Variants in SPATA16 observed in about 807,000 individuals in gnomAD.
The protein encoded by SPATA16 is spermatogenesis associated 16, also known as spermatogenesis-associated protein 16.
In SPATA16, 36 loss-of-function variants were observed where a neutral mutation model predicts 63.3. That is an observed-to-expected ratio of 0.57 (90% CI 0.44 to 0.75). The LOEUF is 0.75. SPATA16 is among the 30% of genes least tolerant of loss of function. The pLI, the probability that SPATA16 is intolerant of heterozygous loss-of-function variation, is 0.00. For missense variants in SPATA16, 646 were observed against 679.3 expected, an observed-to-expected ratio of 0.95 and a Z score of 0.54; for synonymous variants, 203 against 216.7, an observed-to-expected ratio of 0.94 and a Z score of 0.56.
chr3:173,120,764 C>A (rs1030314421), intron 1 of SPATA16, among the ~76,000 whole-genome samples: 5 of 152,162 alleles, frequency 3.3e-5, no homozygotes, highest in Admixed American at 6.5e-5. Context: ...CCTCCCAACT[C>A]CTCCCACTCC....
chr3:172,925,904 C>T (rs1051174631), intron 6 of SPATA16, among the ~76,000 whole-genome samples: 3 of 152,124 alleles, frequency 2.0e-5, no homozygotes, highest in Admixed American at 6.5e-5. Context: ...TGGCTCACTG[C>T]AACCTCTACC....
At position 173,140,506 on chromosome 3, in the gene SPATA16, C is replaced by T. The variant is rs187389014; in HGVS notation, c.-19+597G>A. ...CAAACATTTCAGAGCACGCATTTTA[C>T]GCCAGGCATGATGTTAGGATACAGA... On this transcript the variant is annotated intron_variant, in intron 1 of 10. Transcript: ENST00000351008. Among the ~76,000 whole-genome samples, 565 of 152,250 alleles carry T rather than the reference C, an allele frequency of 3.7e-3. 6 individuals are homozygous for T. Among genetic ancestry groups the T allele is most frequent in the African/African-American group, 0.013 (525 of 41,546 alleles).
rs1234251743 is a variant in SPATA16 at position 172,983,325 on chromosome 3, TCTC to T, written c.849-6276_849-6274del. Among the ~76,000 whole-genome samples the T allele has an allele frequency of 3.4e-5, 5 of 145,044 alleles. No homozygotes were observed. The South Asian group carries it at 8.3e-4, about 24-fold the overall frequency. ...TGCTTCCATCTTTCTCCAAGTGACCTCTCTTTTTTTTTTTTTGCCATGAGTCAG... is the reference window on the plus strand; with the variant it reads ...TGCTTCCATCTTTCTCCAAGTGACCTTTTTTTTTTTTTTGCCATGAGTCAG... On this transcript the variant is annotated intron_variant, in intron 4 of 10. Transcript: ENST00000351008.
In SPATA16 at chr3:173,130,863, T is replaced by C. The variant is rs1395724292; in HGVS notation, c.-19+10240A>G. ...TACTTGTATAGTGTTTTAGTGCTAT[T>C]ATTTGAATATTTCTTCTGAATCTTT... On this transcript the variant is annotated intron_variant, in intron 1 of 10. Transcript: ENST00000351008. 2.0e-5 allele frequency among the ~76,000 whole-genome samples: 3 copies of C among 152,246 alleles called. No individual in the cohort carries two copies. In the East Asian group the frequency reaches 5.8e-4, roughly 29 times the overall value.
At chr3:173,028,683 G>A (rs1490592580) in intron 3 of SPATA16, among the ~76,000 whole-genome samples, 1 of 151,982 alleles carries the variant, frequency 6.6e-6, no homozygotes, top group East Asian at 1.9e-4. Flanking sequence ...TTAACTGCAA[G>A]CTAAATGATA....
chr3:173,111,229 G>A (rs976960491), intron 2 of SPATA16, among the ~76,000 whole-genome samples: 6 of 152,224 alleles, frequency 3.9e-5, no homozygotes, highest in East Asian at 3.9e-4. Context: ...TGCCTAGAAC[G>A]TGAAACCCTG....
At position 173,049,298 on chromosome 3, in the gene SPATA16, G is replaced by A. The variant is rs1010002730; in HGVS notation, c.613-204C>T. On this transcript the variant is annotated intron_variant, in intron 2 of 10. Coordinates refer to ENST00000351008, the MANE Select transcript of SPATA16 (RefSeq NM_031955.6). ...ATTTTGATTATAAATTAAATAAATTGTTCCTGTTCACTATTAAGTGAGTGA... is the reference window on the plus strand; with the variant it reads ...ATTTTGATTATAAATTAAATAAATTATTCCTGTTCACTATTAAGTGAGTGA... 2.0e-5 allele frequency among the ~76,000 whole-genome samples: 3 copies of A among 151,712 alleles called. No homozygotes were observed. In the South Asian group the frequency reaches 6.2e-4, roughly 31 times the overall value.
At chr3:173,058,070 A>ATATATCTATATCTACAGTGTGAC (rs1423690071) in intron 2 of SPATA16, among the ~76,000 whole-genome samples, 3 of 152,180 alleles carry the variant, frequency 2.0e-5, no homozygotes, top group Non-Finnish European at 2.9e-5. Flanking sequence ...ACTATCATGG[A>ATATATCTATATCTACAGTGTGAC]TATATCTATA....
chr3:172,961,034 T>C (rs554097894), intron 5 of SPATA16, among the ~76,000 whole-genome samples: 1 of 96,978 alleles, frequency 1.0e-5, no homozygotes, highest in African/African-American at 3.6e-5. Context: ...CTTTCTCTCT[T>C]TCTTTCTTTC....
Position 173,117,815 on chromosome 3 carries a change from G to C in SPATA16, c.-18-66C>G. On this transcript the variant is annotated intron_variant, in intron 1 of 10. Coordinates refer to ENST00000351008, the MANE Select transcript of SPATA16 (RefSeq NM_031955.6). Reference sequence around the variant, plus strand: ...TTGAATTCCAGTGGTTTAGACTATAGTCAAATTCATTTTAAACACTATTTC... The same window carrying C: ...TTGAATTCCAGTGGTTTAGACTATACTCAAATTCATTTTAAACACTATTTC... 3.1e-6 allele frequency: 5 copies of C among 1,608,300 alleles called. No homozygotes were observed. The South Asian group carries it at 5.5e-5, about 18-fold the overall frequency.
rs575771411 is a variant in SPATA16, at chr3:173,034,117, A to G, written c.759-14542T>C. ...CGGCAATAATTTTTGAGTATAAACCATGTTCCAGCCACTGTTCAGGTTTTA... is the reference window on the plus strand; with the variant it reads ...CGGCAATAATTTTTGAGTATAAACCGTGTTCCAGCCACTGTTCAGGTTTTA... On this transcript the variant is annotated intron_variant, in intron 3 of 10. Coordinates refer to ENST00000351008, the MANE Select transcript of SPATA16 (RefSeq NM_031955.6). Among the ~76,000 whole-genome samples the G allele has an allele frequency of 2.9e-4, 44 of 152,328 alleles. 1 individual carries two copies. Among genetic ancestry groups the G allele is most frequent in the Middle Eastern group, 6.8e-3 (2 of 294 alleles).
intron 6 of SPATA16, among the ~76,000 whole-genome samples, chr3:172,926,006 A>G (rs1403771589): frequency 6.6e-6 from 1 of 151,914 alleles, no homozygotes; most frequent in African/African-American, 2.4e-5. Flanking sequence ...TTGTATTTTT[A>G]GTAGAGACGG....
Position 172,961,045 on chromosome 3 carries a change from TTTC to T in SPATA16, c.934-4224_934-4222del, listed in dbSNP as rs560215491. On this transcript the variant is annotated intron_variant, in intron 5 of 10. Transcript: ENST00000351008. Reference sequence around the variant, plus strand: ...CTCTCTTTCTCTCTTTCTTTCTTTCTTTCTTCTTTCTTTCTTTCTTCTTTCTTC... The same window carrying T: ...CTCTCTTTCTCTCTTTCTTTCTTTCTTTCTTTCTTTCTTTCTTCTTTCTTC... Among the ~76,000 whole-genome samples the T allele has an allele frequency of 3.7e-3, 345 of 92,322 alleles. 16 individuals carry two copies. Among genetic ancestry groups the T allele is most frequent in the African/African-American group, 0.012 (325 of 26,306 alleles). The allele number at this position is 92,322 out of a possible 152,430, so 60.6% of individuals were successfully genotyped here.
chr3:173,137,355 G>A (rs957340485), intron 1 of SPATA16, among the ~76,000 whole-genome samples: 6 of 152,146 alleles, frequency 3.9e-5, no homozygotes, highest in African/African-American at 1.4e-4. Flanking sequence ...AATTAGGGTG[G>A]TAGAAGGATA....
intron 1 of SPATA16, among the ~76,000 whole-genome samples, chr3:173,123,601 ATTTTT>A (rs541550629): frequency 1.5e-5 from 2 of 136,536 alleles, no homozygotes. Flanking sequence ...AAGGTATTAG[ATTTTT>A]TTTTTTTTTT....
At chr3:173,075,050 AC>A (rs1463263056) in intron 2 of SPATA16, among the ~76,000 whole-genome samples, 1 of 151,408 alleles carries the variant, frequency 6.6e-6, no homozygotes, top group East Asian at 1.9e-4. Context: ...ACTTTTGAGT[AC>A]TATGCTATTT....
chr3:172,897,963 T>C (rs544679115), intron 10 of SPATA16, among the ~76,000 whole-genome samples: 2 of 152,142 alleles, frequency 1.3e-5, no homozygotes, highest in Non-Finnish European at 2.9e-5. Flanking sequence ...TTTTAAATCA[T>C]AAATGAGTGT....
At position 172,925,421 on chromosome 3, in the gene SPATA16, T is replaced by A; in HGVS notation, c.1153A>T (p.Thr385Ser). ...SSFPPQQYLL[T>S]LGFKNKDDGK... ...TCATCTTTGTTTTTGAACCCAAGAG[T>A]CAAGAGATATTGTTGGGGAGGAAAA... The change falls in exon 7 of 11, where the codon ACT (threonine) becomes TCT (serine). Residue 385 changes from threonine (T) to serine (S), a missense_variant. Transcript: ENST00000351008. The A allele has an allele frequency of 6.2e-7, 1 of 1,613,944 alleles. No homozygotes were observed.
chr3:172,889,475 T>G lies in SPATA16; in HGVS notation c.*95A>C, dbSNP rs1430852209. The G allele has an allele frequency of 6.3e-7, 1 of 1,575,286 alleles. No individual in the cohort carries two copies. The highest frequency in any genetic ancestry group is 2.2e-5 in the East Asian group (1 of 44,690). On this transcript the variant is annotated 3_prime_UTR_variant, in exon 11 of 11. Coordinates refer to ENST00000351008, the MANE Select transcript of SPATA16 (RefSeq NM_031955.6). ...CCTCTTTCTTTTGGTGACAAGCTTT[T>G]GTTATCCAGCTTCACAGTACTAGGT...
Sources: gnomAD v4.1 joint callset for allele counts (sites outside exome capture counted in the v4.1 genomes callset) on GRCh38, gnomAD v4.1.1 for gene constraint, MANE v1.5 for transcripts, NCBI Gene and HGNC (gene_info 2026-07-23, HGNC 2026-07-21) for gene names.